Variants in ARHGAP26 observed in about 807,000 individuals in gnomAD.
ARHGAP26 encodes the protein rho GTPase-activating protein 26.
Under a neutral mutation model 104.8 loss-of-function variants are expected in ARHGAP26, and 38 were observed. The ratio of observed to expected loss-of-function variants is 0.36; its 90% CI spans 0.28 to 0.48. The LOEUF (loss-of-function observed/expected upper bound fraction) is 0.48, where lower values mean the gene tolerates loss of function less well. Ranked by LOEUF, ARHGAP26 falls within the 20% of genes least tolerant of loss-of-function variation. The probability of loss-of-function intolerance (pLI) is 0.99; values close to 1 mark genes in which losing one functional copy is unlikely to be tolerated. For synonymous variants in ARHGAP26, 341 were observed against 340.0 expected, an observed-to-expected ratio of 1.00 and a Z score of -0.03; for missense variants, 704 against 947.9, an observed-to-expected ratio of 0.74 and a Z score of 3.38.
chr5:142,772,725 A>T (rs957466211), intron 1 of ARHGAP26: 1 of 532,848 alleles, frequency 1.9e-6, no homozygotes, highest in African/African-American at 1.9e-5. Flanking sequence ...TGAGCCAGAG[A>T]TGGAGTCCCT....
intron 11 of ARHGAP26, among the ~76,000 whole-genome samples, chr5:142,988,320 T>C (rs1179282696): frequency 1.3e-5 from 2 of 152,238 alleles, no homozygotes; most frequent in East Asian, 3.8e-4. Context: ...TGTATTTCTG[T>C]GGGATTGGTG....
chr5:143,154,677 A>G (rs1800261350), intron 20 of ARHGAP26, among the ~76,000 whole-genome samples: 1 of 151,920 alleles, frequency 6.6e-6, no homozygotes, highest in Non-Finnish European at 1.5e-5. Context: ...GGCAGGTGCT[A>G]CCCCTCCTTA....
chr5:142,828,805 T>G (rs1767817116), intron 1 of ARHGAP26, among the ~76,000 whole-genome samples: 1 of 152,170 alleles, frequency 6.6e-6, no homozygotes, highest in Admixed American at 6.5e-5. Context: ...CTGGCCCATC[T>G]GTAGAGTGGC....
chr5:142,975,996 A>G (rs1394579432), intron 11 of ARHGAP26, among the ~76,000 whole-genome samples: 1 of 152,242 alleles, frequency 6.6e-6, no homozygotes, highest in African/African-American at 2.4e-5. Flanking sequence ...ACTTAGTGAC[A>G]GGCAGTACAG....
At chr5:143,019,555 G>A (rs1021375282) in intron 12 of ARHGAP26, among the ~76,000 whole-genome samples, 2 of 152,154 alleles carry the variant, frequency 1.3e-5, no homozygotes, top group African/African-American at 4.8e-5. Flanking sequence ...AATGAGTCCA[G>A]GTTGGAAGCA....
At chr5:143,165,800 G>A (rs1801853600) in intron 20 of ARHGAP26, among the ~76,000 whole-genome samples, 1 of 152,190 alleles carries the variant, frequency 6.6e-6, no homozygotes, top group Non-Finnish European at 1.5e-5. Context: ...CTGCTTATAA[G>A]TGAAAACATG....
At position 143,228,293 on chromosome 5, in the gene ARHGAP26, CACTT is replaced by C. The variant is rs1811819873; in HGVS notation, c.*5850_*5853del. On this transcript the variant is annotated 3_prime_UTR_variant, in exon 23 of 23. Transcript: ENST00000645722. ...ATATTTACATCTATGAAGACATAGA[CACTT>C]ACAGAGACCCACATGAGCTGGCACT... The C allele has an allele frequency of 8.9e-6, 2 of 224,616 alleles. No individual in the cohort carries two copies. Among genetic ancestry groups the C allele is most frequent in the Non-Finnish European group, 1.8e-5 (2 of 112,780 alleles). The allele number at this position is 224,616 out of a possible 1,614,324, so 13.9% of individuals were successfully genotyped here.
rs567750311 is a variant in ARHGAP26, at chr5:142,904,179, A to G, written c.832+510A>G. Among the ~76,000 whole-genome samples, 20 of 152,136 alleles carry G rather than the reference A, an allele frequency of 1.3e-4. No individual in the cohort carries two copies. The East Asian group carries it at 3.3e-3, about 25-fold the overall frequency. On this transcript the variant is annotated intron_variant, in intron 8 of 22. Transcript: ENST00000645722. ...CACTTGAATTTTATGAAAAGTAGGAACAAAGGCTCACTTCAAGAGCCAAGA... is the reference window on the plus strand; with the variant it reads ...CACTTGAATTTTATGAAAAGTAGGAGCAAAGGCTCACTTCAAGAGCCAAGA...
intron 5 of ARHGAP26, among the ~76,000 whole-genome samples, chr5:142,888,002 A>C (rs1160526598): frequency 6.6e-6 from 1 of 152,170 alleles, no homozygotes; most frequent in Non-Finnish European, 1.5e-5. Context: ...AAACAAACAA[A>C]AAAAAGAACA....
chr5:142,807,898 G>A (rs929647424), intron 1 of ARHGAP26, among the ~76,000 whole-genome samples: 1 of 152,162 alleles, frequency 6.6e-6, no homozygotes, highest in Non-Finnish European at 1.5e-5. Flanking sequence ...GGGTTGAAAA[G>A]GATAAACTGG....
chr5:142,857,264 A>G (rs1185920947), intron 1 of ARHGAP26, among the ~76,000 whole-genome samples: 4 of 152,294 alleles, frequency 2.6e-5, no homozygotes, highest in Admixed American at 2.6e-4. Flanking sequence ...GGTAGACATC[A>G]ATTTTGAGGG....
intron 11 of ARHGAP26, among the ~76,000 whole-genome samples, chr5:142,948,669 C>A (rs1172098319): frequency 6.7e-6 from 1 of 148,714 alleles, no homozygotes. Context: ...TTTTTAAGAA[C>A]ATTAAAAACA....
At chr5:142,881,546 T>G (rs375195569) in intron 4 of ARHGAP26, among the ~76,000 whole-genome samples, 6 of 152,184 alleles carry the variant, frequency 3.9e-5, no homozygotes, top group Non-Finnish European at 7.4e-5. Context: ...GAATAATTAT[T>G]GATTATTAAA....
At chr5:142,842,306 G>T (rs1433513968) in intron 1 of ARHGAP26, among the ~76,000 whole-genome samples, 1 of 152,154 alleles carries the variant, frequency 6.6e-6, no homozygotes, top group African/African-American at 2.4e-5. Flanking sequence ...TCTTGAAATT[G>T]TTCTTGAAAA....
intron 1 of ARHGAP26, among the ~76,000 whole-genome samples, chr5:142,814,866 A>G (rs910496479): frequency 6.6e-6 from 1 of 152,248 alleles, no homozygotes; most frequent in Non-Finnish European, 1.5e-5. Flanking sequence ...CCTGTAGACA[A>G]TGCTCAATAG....
intron 11 of ARHGAP26, among the ~76,000 whole-genome samples, chr5:142,933,419 A>G (rs760342617): frequency 9.9e-5 from 15 of 152,236 alleles, no homozygotes; most frequent in Non-Finnish European, 1.8e-4. Flanking sequence ...CCCAAGTAGC[A>G]CAGATAGTAA....
intron 17 of ARHGAP26, among the ~76,000 whole-genome samples, chr5:143,105,347 G>A (rs759093337): frequency 2.0e-5 from 3 of 151,426 alleles, no homozygotes; most frequent in Non-Finnish European, 2.9e-5. Context: ...TTGCACTCCA[G>A]CCTGGGCAAC....
chr5:142,942,676 C>T (rs1479817319), intron 11 of ARHGAP26, among the ~76,000 whole-genome samples: 1 of 152,220 alleles, frequency 6.6e-6, no homozygotes, highest in Non-Finnish European at 1.5e-5. Flanking sequence ...TATTTAGAGA[C>T]TTTTCCTATG....
chr5:143,005,631 A>G (rs548246089), intron 11 of ARHGAP26, among the ~76,000 whole-genome samples: 28 of 152,322 alleles, frequency 1.8e-4, no homozygotes, highest in African/African-American at 4.6e-4. Context: ...TTTTCCCCCA[A>G]TGTTACTGAG....
Sources: gnomAD v4.1 joint callset for allele counts (sites outside exome capture counted in the v4.1 genomes callset) on GRCh38, gnomAD v4.1.1 for gene constraint, MANE v1.5 for transcripts, NCBI Gene and HGNC (gene_info 2026-07-23, HGNC 2026-07-21) for gene names.